The following FUS variants were observed in gnomAD, a reference collection of about 807,000 sequenced individuals.
The protein encoded by FUS is RNA-binding protein FUS.
A neutral mutation model predicts 82.7 loss-of-function variants in FUS; 5 were observed. That is an observed-to-expected ratio of 0.06 (90% CI 0.03 to 0.13). The LOEUF is 0.13. FUS is among the 10% of genes least tolerant of loss of function. The pLI is 1.00. For synonymous variants in FUS, 281 were observed against 247.4 expected (o/e 1.14, Z -1.27); for missense variants, 512 against 707.8 (o/e 0.72, Z 3.14).
At chr16:31,192,024 CTG>C (rs751915835), downstream of FUS, 18 of 533,104 alleles carry the variant, frequency 3.4e-5, no homozygotes, top group Non-Finnish European at 3.6e-6. Context: ...CTTAGCCACT[CTG>C]GGTCTTTCAC....
intron 14 of FUS, 46 bp downstream of exon 14, chr16:31,191,156 G>T: frequency 6.2e-7 from 1 of 1,605,386 alleles, no homozygotes; most frequent in Non-Finnish European, 8.5e-7. Context: ...TTGAACAGAG[G>T]CCATAGGATA....
chr16:31,186,212 G>A (rs1040789800), intron 6 of FUS: 2 of 244,674 alleles, frequency 8.2e-6, no homozygotes, highest in Admixed American at 9.9e-5. Flanking sequence ...AAAATACTCC[G>A]CTCTTCTCGC....
At chr16:31,193,709 CAG>C (rs1315393841), downstream of FUS, 12 of 532,204 alleles carry the variant, frequency 2.3e-5, no homozygotes, top group Admixed American at 2.4e-4. Context: ...CACCTAGCAG[CAG>C]AGAGAACATT....
chr16:31,193,298 A>G (rs968935480), downstream of FUS: 2 of 516,930 alleles, frequency 3.9e-6, no homozygotes, highest in South Asian at 1.5e-5. Flanking sequence ...GGTCTGGCGT[A>G]TTAAAAACAA....
At chr16:31,192,350 T>TC, downstream of FUS, 1 of 526,254 alleles carries the variant, frequency 1.9e-6, no homozygotes, top group Non-Finnish European at 3.7e-6. Flanking sequence ...CTCCTCAGCC[T>TC]CTTACCATGT....
chr16:31,192,452 G>A (rs933525513), downstream of FUS: 31 of 521,054 alleles, frequency 5.9e-5, no homozygotes, highest in Non-Finnish European at 1.0e-4. Flanking sequence ...AGAGCAGAAA[G>A]GTTTTATTTA....
intron 5 of FUS, among the ~76,000 whole-genome samples, chr16:31,184,704 A>G (rs981142657): frequency 4.6e-5 from 7 of 151,472 alleles, no homozygotes; most frequent in African/African-American, 1.2e-4. Context: ...TGGCCTCCCA[A>G]AGTGCTGGGA....
chr16:31,184,884 G>A, intron 5 of FUS, 55 bp from the exon 6 acceptor site: 1 of 1,577,576 alleles, frequency 6.3e-7, no homozygotes, highest in Non-Finnish European at 8.7e-7. Flanking sequence ...ACCTTTTAGT[G>A]CTACTTTACA....
intron 14 of FUS, 21 bp from the exon 15 acceptor site, chr16:31,191,378 T>A (rs2079356639): frequency 1.3e-5 from 3 of 233,150 alleles, no homozygotes; most frequent in Non-Finnish European, 2.5e-5. Flanking sequence ...GGATACTTAA[T>A]TTTTTTTTTT....
At chr16:31,187,758 C>T (rs1050931751) in intron 7 of FUS, 1 of 237,406 alleles carries the variant, frequency 4.2e-6, no homozygotes, top group Non-Finnish European at 8.3e-6. Context: ...CTGGTCTGTT[C>T]CCTGGGACAT....
chr16:31,185,722 C>T, intron 6 of FUS: 4 of 391,752 alleles, frequency 1.0e-5, no homozygotes, highest in South Asian at 8.4e-5. Flanking sequence ...GTTTATGGGG[C>T]CAGCTGACTG....
chr16:31,191,563 A>G lies in FUS; in HGVS notation c.*125A>G. 9.8e-7 allele frequency: 1 copy of G among 1,019,270 alleles called. No individual in the cohort carries two copies. Among genetic ancestry groups the G allele is most frequent in the Non-Finnish European group, 1.5e-6 (1 of 653,386 alleles). 63.1% of individuals were successfully genotyped at this position (1,019,270 alleles called of 1,614,324 possible). ...TTTTGTGTCGGACTATGTAATTGTA[A>G]CTATACCTCTGGTTCCCATTAAAAG... On this transcript the variant is annotated 3_prime_UTR_variant, in exon 15 of 15. Transcript: ENST00000254108.
At position 31,191,594 on chromosome 16, in the gene FUS, A is replaced by G. The variant is rs2079362178; in HGVS notation, c.*156A>G. 1.2e-6 allele frequency: 1 copy of G among 841,548 alleles called. No homozygotes were observed. Among genetic ancestry groups the G allele is most frequent in the East Asian group, 2.6e-5 (1 of 37,900 alleles). The allele number at this position is 841,548 out of a possible 1,614,324, so 52.1% of individuals were successfully genotyped here. ...CCTCTGGTTCCCATTAAAAGTGACC[A>G]TTTTAGTTAAATTTTGTTCCTCTTC... On this transcript the variant is annotated 3_prime_UTR_variant, in exon 15 of 15. Coordinates refer to ENST00000254108, the MANE Select transcript of FUS (RefSeq NM_004960.4).
At chr16:31,194,745 C>T (rs1183042071), downstream of FUS, 1 of 484,242 alleles carries the variant, frequency 2.1e-6, no homozygotes, top group East Asian at 4.9e-5. Context: ...ACATACAAAG[C>T]CACTCTTAGA....
At chr16:31,186,692 T>C in intron 6 of FUS, 110 bp from the exon 7 acceptor site, 2 of 1,038,928 alleles carry the variant, frequency 1.9e-6, no homozygotes, top group East Asian at 2.4e-5. Flanking sequence ...CACTTGTATC[T>C]TTTTCCAAAA....
intron 1 of FUS, among the ~76,000 whole-genome samples, chr16:31,180,631 C>T (rs1555508079): frequency 6.6e-6 from 1 of 152,230 alleles, no homozygotes; most frequent in Non-Finnish European, 1.5e-5. Flanking sequence ...GCGGGCCCCT[C>T]CCCCTTCGCG....
intron 8 of FUS, chr16:31,188,646 G>T (rs2079307875): frequency 9.3e-6 from 5 of 535,352 alleles, no homozygotes; most frequent in Non-Finnish European, 1.7e-5. Flanking sequence ...CACTCAGATG[G>T]TTTACAGCAG....
At position 31,185,184 on chromosome 16, in the gene FUS, G is replaced by A. The variant is rs1304151672; in HGVS notation, c.764+5G>A. 1.9e-6 allele frequency: 3 copies of A among 1,605,638 alleles called. No individual in the cohort carries two copies. Among genetic ancestry groups the A allele is most frequent in the Non-Finnish European group, 2.6e-6 (3 of 1,175,624 alleles). On this transcript the variant is annotated splice_donor_5th_base_variant and intron_variant, in intron 6 of 14. Coordinates refer to ENST00000254108, the MANE Select transcript of FUS (RefSeq NM_004960.4). ...TGGAGGCAGAGGTGGCATGGGGTAG[G>A]TGTCTCATGAGCCAGGGAGTATCTT...
chr16:31,190,899 A>G, intron 13 of FUS, 57 bp downstream of exon 13: 1 of 1,612,852 alleles, frequency 6.2e-7, no homozygotes, highest in South Asian at 1.1e-5. Context: ...TTAATTTTTC[A>G]GCGGGGAGGC....
Sources: gnomAD v4.1 joint callset for allele counts (sites outside exome capture counted in the v4.1 genomes callset) on GRCh38, gnomAD v4.1.1 for gene constraint, MANE v1.5 for transcripts, NCBI Gene and HGNC (gene_info 2026-07-23, HGNC 2026-07-21) for gene names.